Variants in MORC2 observed in about 807,000 individuals in gnomAD.
MORC2 encodes the protein MORC family CW-type zinc finger 2, also known as ATPase MORC2.
MORC2 carries 30 observed loss-of-function variants against 136.0 expected under a neutral mutation model. The ratio of observed to expected loss-of-function variants is 0.22; its 90% CI spans 0.17 to 0.30. The LOEUF (loss-of-function observed/expected upper bound fraction) is 0.30, where lower values mean the gene tolerates loss of function less well. Ranked by LOEUF, MORC2 falls within the 10% of genes least tolerant of loss-of-function variation. The pLI, the probability that MORC2 is intolerant of heterozygous loss-of-function variation, is 1.00. For missense variants in MORC2, 922 were observed against 1,333.1 expected (o/e 0.69, Z 4.80); for synonymous variants, 439 against 487.0 (o/e 0.90, Z 1.30).
chr22:30,962,496 G>A (rs1168557601), intron 1 of MORC2, among the ~76,000 whole-genome samples: 1 of 151,778 alleles, frequency 6.6e-6, no homozygotes, highest in Non-Finnish European at 1.5e-5. Context: ...TTGAAAGGCT[G>A]AGGTGGGAGG....
intron 1 of MORC2, chr22:30,963,301 A>G: frequency 3.0e-6 from 3 of 984,366 alleles, no homozygotes; most frequent in Non-Finnish European, 2.4e-6. Flanking sequence ...TCACAGACCT[A>G]AACATCCTTT....
rs764919943 is a variant in MORC2, at chr22:30,937,570, C to T, written c.1498+13G>A. On this transcript the variant is annotated intron_variant, in intron 15 of 25. Transcript: ENST00000397641. This position sits in a 1 kb window ranked among gnomAD's most constrained non-coding sequence, Gnocchi z 4.7. ...ATGGAAATGAGTCGGGGGGGTCCAACCACCCAACTCACCGCACTGGATGGT... is the reference window on the plus strand; with the variant it reads ...ATGGAAATGAGTCGGGGGGGTCCAATCACCCAACTCACCGCACTGGATGGT... The T allele has an allele frequency of 6.2e-7, 1 of 1,611,238 alleles. No homozygotes were observed. Among genetic ancestry groups the T allele is most frequent in the Non-Finnish European group, 8.5e-7 (1 of 1,179,478 alleles).
At chr22:30,939,793 T>C in intron 11 of MORC2, 87 bp from the exon 12 acceptor site, 1 of 1,421,440 alleles carries the variant, frequency 7.0e-7, no homozygotes, top group Admixed American at 2.1e-5. Context: ...ACATCTCAAT[T>C]TATCTCAAAG....
At chr22:30,938,274 T>G in intron 12 of MORC2, 69 bp from the exon 13 acceptor site, 1 of 1,551,096 alleles carries the variant, frequency 6.4e-7, no homozygotes, top group Non-Finnish European at 8.8e-7. Flanking sequence ...TTAAGATGTG[T>G]TAAGCTTAAG....
At chr22:30,940,685 A>C (rs983036385) in intron 10 of MORC2, 73 bp downstream of exon 10, 45 of 1,350,350 alleles carry the variant, frequency 3.3e-5, no homozygotes, top group Non-Finnish European at 4.3e-5. Context: ...CTTTTCCTGG[A>C]ACCCCACTTT....
intron 5 of MORC2, among the ~76,000 whole-genome samples, 172 bp from the exon 6 acceptor site, chr22:30,946,621 C>T (rs2040819487): frequency 6.6e-6 from 1 of 151,656 alleles, no homozygotes; most frequent in African/African-American, 2.4e-5. Flanking sequence ...CCCTCTCCAT[C>T]CCCCAACACT....
At chr22:30,927,931 G>C in intron 25 of MORC2, 88 bp downstream of exon 25, 1 of 1,491,602 alleles carries the variant, frequency 6.7e-7, no homozygotes, top group South Asian at 1.2e-5. Context: ...TGAGTGGATA[G>C]ATTCTTGTGA....
chr22:30,950,336 C>CGGGGGGGGGGGG, intron 4 of MORC2, 41 bp downstream of exon 4: 1 of 764,008 alleles, frequency 1.3e-6, no homozygotes. Flanking sequence ...ATGGTTACAT[C>CGGGGGGGGGGGG]GCACCCCCCC....
At chr22:30,929,720 C>A (rs1458695258) in intron 24 of MORC2, among the ~76,000 whole-genome samples, 1 of 151,944 alleles carries the variant, frequency 6.6e-6, no homozygotes, top group African/African-American at 2.4e-5. Context: ...GAGATTGCGC[C>A]ACTGCACTCT....
chr22:30,931,306 T>G (rs993377058), intron 24 of MORC2, among the ~76,000 whole-genome samples: 2 of 152,244 alleles, frequency 1.3e-5, no homozygotes, highest in African/African-American at 4.8e-5. Context: ...CTTTACATAC[T>G]GTCTGTGGTT....
intron 3 of MORC2, among the ~76,000 whole-genome samples, chr22:30,952,953 G>C (rs980586736): frequency 7.2e-5 from 11 of 152,224 alleles, no homozygotes; most frequent in Non-Finnish European, 1.3e-4. Context: ...TATCCAAAGA[G>C]CTTGTGAAAA....
chr22:30,937,446 T>C lies in MORC2; in HGVS notation c.1498+137A>G. 1 of 1,327,956 alleles carries C rather than the reference T, an allele frequency of 7.5e-7. No homozygotes were observed. Among genetic ancestry groups the C allele is most frequent in the Non-Finnish European group, 1.0e-6 (1 of 973,170 alleles). 82.3% of individuals were successfully genotyped at this position (1,327,956 alleles called of 1,614,324 possible). ...CCTCAAGACTGAGCTCACAGGGCCATCGTCAAACAGACTTGGATCCCTAGG... is the reference window on the plus strand; with the variant it reads ...CCTCAAGACTGAGCTCACAGGGCCACCGTCAAACAGACTTGGATCCCTAGG... On this transcript the variant is annotated intron_variant, in intron 15 of 25. Transcript: ENST00000397641. This position sits in a 1 kb window ranked among gnomAD's most constrained non-coding sequence, Gnocchi z 4.7.
At chr22:30,940,734 C>T (rs1248693213) in intron 10 of MORC2, 24 bp downstream of exon 10, 5 of 1,609,632 alleles carry the variant, frequency 3.1e-6, no homozygotes, top group Non-Finnish European at 3.4e-6. Context: ...ACCCCCCCAA[C>T]TCCTGCACCC....
Position 30,938,223 on chromosome 22 carries a change from C to T in MORC2, c.1074-18G>A. On this transcript the variant is annotated intron_variant, in intron 12 of 25. Transcript: ENST00000397641. ...TAAGTGCTCTAAGAAGACAAAAAAA[C>T]TCAAGCAGATCTACACATCGGCACA... The T allele has an allele frequency of 7.1e-7, 1 of 1,414,474 alleles. No individual in the cohort carries two copies. Among genetic ancestry groups the T allele is most frequent in the Non-Finnish European group, 9.3e-7 (1 of 1,071,224 alleles). The allele number at this position is 1,414,474 out of a possible 1,614,324, so 87.6% of individuals were successfully genotyped here.
At chr22:30,928,911 C>A (rs2040531139) in intron 24 of MORC2, among the ~76,000 whole-genome samples, 1 of 152,222 alleles carries the variant, frequency 6.6e-6, no homozygotes, top group Non-Finnish European at 1.5e-5. Context: ...TATAACATGA[C>A]TTACTCGTAA....
At chr22:30,946,970 C>T (rs556524890) in intron 5 of MORC2, among the ~76,000 whole-genome samples, 5 of 152,288 alleles carry the variant, frequency 3.3e-5, no homozygotes, top group East Asian at 1.9e-4. Flanking sequence ...ATTGACGAAA[C>T]GGCAGCAGCA....
At chr22:30,952,756 T>C (rs2040909839) in intron 3 of MORC2, among the ~76,000 whole-genome samples, 1 of 152,268 alleles carries the variant, frequency 6.6e-6, no homozygotes, top group East Asian at 1.9e-4. Context: ...TCAGCTCTTC[T>C]GTGCCTGGTT....
At chr22:30,949,870 A>C in intron 4 of MORC2, 28 bp from the exon 5 acceptor site, 1 of 1,607,244 alleles carries the variant, frequency 6.2e-7, no homozygotes, top group Non-Finnish European at 8.5e-7. Flanking sequence ...AGAGAAAGTG[A>C]AAAGTTTGCA....
intron 16 of MORC2, 142 bp downstream of exon 16, chr22:30,936,790 G>A: frequency 7.8e-7 from 1 of 1,284,816 alleles, no homozygotes; most frequent in Middle Eastern, 2.3e-4. Flanking sequence ...TACACTGCAG[G>A]ACATACATCT....
Sources: gnomAD v4.1 joint callset for allele counts (sites outside exome capture counted in the v4.1 genomes callset) on GRCh38, gnomAD v4.1.1 for gene constraint, Gnocchi (gnomAD v3.1) non-coding constraint, MANE v1.5 for transcripts, NCBI Gene and HGNC (gene_info 2026-07-23, HGNC 2026-07-21) for gene names.